CASZ1: variants seen among roughly 807,000 people sequenced by gnomAD.
CASZ1 encodes zinc finger protein castor homolog 1.
CASZ1 carries 28 observed loss-of-function variants against 135.2 expected under a neutral mutation model. The ratio of observed to expected loss-of-function variants is 0.21; its 90% CI spans 0.15 to 0.28. The LOEUF (loss-of-function observed/expected upper bound fraction) is 0.28. Among genes scored for constraint, CASZ1 ranks in the 10% least tolerant of loss-of-function variants. CASZ1 has a pLI of 1.00. For missense variants in CASZ1, 2,161 were observed against 2,453.3 expected (o/e 0.88, Z 2.52); for synonymous variants, 1,068 against 1,073.4 (o/e 0.99, Z 0.10).
At chr1:10,730,796 A>G (rs1038433497) in intron 2 of CASZ1, among the ~76,000 whole-genome samples, 1 of 152,190 alleles carries the variant, frequency 6.6e-6, no homozygotes, top group African/African-American at 2.4e-5. Context: ...AATGATACTA[A>G]TGACTGTGAT....
intron 1 of CASZ1, among the ~76,000 whole-genome samples, chr1:10,765,510 GTAC>G (rs1640458784): frequency 6.6e-6 from 1 of 152,190 alleles, no homozygotes; most frequent in Admixed American, 6.5e-5. Context: ...CCCACGACGG[GTAC>G]GCCCAACGCA....
At chr1:10,795,297 GA>G (rs1298569516) in intron 1 of CASZ1, among the ~76,000 whole-genome samples, 2 of 152,154 alleles carry the variant, frequency 1.3e-5, no homozygotes, top group African/African-American at 2.4e-5. Context: ...AAGTGACCGG[GA>G]AACCGGCTCT....
At chr1:10,761,258 T>C (rs1640368521) in intron 1 of CASZ1, among the ~76,000 whole-genome samples, 1 of 152,220 alleles carries the variant, frequency 6.6e-6, no homozygotes, top group Admixed American at 6.5e-5. Flanking sequence ...ATCAAACCCA[T>C]GCAACCAAAC....
At chr1:10,743,674 G>GT (rs1639976204) in intron 2 of CASZ1, among the ~76,000 whole-genome samples, 1 of 138,154 alleles carries the variant, frequency 7.2e-6, no homozygotes, top group African/African-American at 3.2e-5. Context: ...TGGGGGGGCG[G>GT]GGTGCGGGGG....
chr1:10,706,776 C>G lies in CASZ1; in HGVS notation c.-76-1232G>C, dbSNP rs974209055. ...TACAGGGCTCTGGGAGGGCTGAGAG[C>G]CCGGTGGGTTGGTGGTTAGGAAGTG... On this transcript the variant is annotated intron_variant, in intron 2 of 20. Transcript: ENST00000377022. This position sits in a 1 kb window ranked among gnomAD's most constrained non-coding sequence, Gnocchi z 4.3. Among the ~76,000 whole-genome samples the G allele has an allele frequency of 2.6e-5, 4 of 152,086 alleles. No individual in the cohort carries two copies. The highest frequency in any genetic ancestry group is 9.7e-5 in the African/African-American group (4 of 41,400).
Position 10,653,885 on chromosome 1 carries a change from G to A in CASZ1, c.2172C>T (p.Asp724=). The A allele has an allele frequency of 6.2e-7, 1 of 1,613,348 alleles. No homozygotes were observed. The highest frequency in any genetic ancestry group is 8.5e-7 in the Non-Finnish European group (1 of 1,179,600). ...DTEHEESSND[D]LVDFSALSSK... is the part of the protein sequence containing the mutation. ...TGCTCAGGGCGGAGAAGTCAACAAG[G>A]TCGTCGTTGCTGGACTCCTCGTGCT... is the stretch of plus-strand genomic sequence containing the variant. Residue 724 remains aspartate (D), a synonymous_variant, in exon 11 of 21, where the codon GAC becomes GAT. Coordinates refer to ENST00000377022, the MANE Select transcript of CASZ1 (RefSeq NM_001079843.3).
At chr1:10,650,447 C>T (rs1000552888) in intron 13 of CASZ1, 5 of 389,074 alleles carry the variant, frequency 1.3e-5, no homozygotes, top group Non-Finnish European at 2.3e-5. Context: ...TTTTGGAGCC[C>T]TCCATCTGAA....
At chr1:10,734,300 A>G (rs887583277) in intron 2 of CASZ1, among the ~76,000 whole-genome samples, 1 of 150,138 alleles carries the variant, frequency 6.7e-6, no homozygotes, top group African/African-American at 2.4e-5. Context: ...AAAAAATCCC[A>G]TGGCCGTGCC....
chr1:10,787,655 A>T (rs555820110), intron 1 of CASZ1, among the ~76,000 whole-genome samples: 1 of 151,918 alleles, frequency 6.6e-6, no homozygotes, highest in Non-Finnish European at 1.5e-5. Context: ...GATCACCCGC[A>T]CACACACACA....
chr1:10,696,722 A>G (rs1277597315), intron 3 of CASZ1, among the ~76,000 whole-genome samples: 1 of 152,234 alleles, frequency 6.6e-6, no homozygotes, highest in East Asian at 1.9e-4. Context: ...GTGCATTTGA[A>G]GATGTCTGCA....
intron 2 of CASZ1, among the ~76,000 whole-genome samples, chr1:10,746,825 A>C (rs1340528444): frequency 3.3e-5 from 5 of 152,204 alleles, no homozygotes; most frequent in Non-Finnish European, 5.9e-5. Context: ...CCTTTGACCC[A>C]CTGGAAAGTC....
At chr1:10,688,658 A>G (rs1366424140) in intron 4 of CASZ1, among the ~76,000 whole-genome samples, 1 of 151,944 alleles carries the variant, frequency 6.6e-6, no homozygotes. Context: ...GCTGCAGGAG[A>G]GCCTCCCATG....
rs555469979 is a variant in CASZ1, at chr1:10,639,716, G to A, written c.4506C>T (p.His1502=). ...FKRFKASLSC[H]FADCPFSGTS... ...TGCCCGAGAAGGGGCAGTCGGCGAAGTGGCAGCTGAGTGAGGCCTTGAAGC... is the reference window on the plus strand; with the variant it reads ...TGCCCGAGAAGGGGCAGTCGGCGAAATGGCAGCTGAGTGAGGCCTTGAAGC... Residue 1502 remains histidine, a synonymous_variant, in exon 21 of 21, where the codon CAC becomes CAT. Coordinates refer to ENST00000377022, the MANE Select transcript of CASZ1 (RefSeq NM_001079843.3). The surrounding 1 kb of genome is among the most constrained non-coding windows in gnomAD (Gnocchi z 4.0). The A allele has an allele frequency of 3.9e-5, 62 of 1,593,522 alleles. 1 individual carries two copies. In the African/African-American group the frequency reaches 6.1e-4, roughly 16 times the overall value.
intron 3 of CASZ1, among the ~76,000 whole-genome samples, chr1:10,698,983 AGCTCCCCCACC>A (rs1371723809): frequency 6.6e-6 from 1 of 152,114 alleles, no homozygotes; most frequent in Admixed American, 6.5e-5. Flanking sequence ...CCAGCCACTC[AGCTCCCCCACC>A]GCTCCCCCAC....
rs888302330 is a variant in CASZ1 at position 10,794,908 on chromosome 1, C to A, written c.-234+1656G>T. On this transcript the variant is annotated intron_variant, in intron 1 of 20. Transcript: ENST00000377022. The surrounding 1 kb of genome is among the most constrained non-coding windows in gnomAD (Gnocchi z 5.6). ...CGCCCGCCCGCCCGCGCCCGGCCAG[C>A]CCCCGCCAGCGGCCCCAGCGCGCCT... Among the ~76,000 whole-genome samples the A allele has an allele frequency of 9.1e-4, 138 of 151,118 alleles. No individual in the cohort carries two copies. Among genetic ancestry groups the A allele is most frequent in the Middle Eastern group, 3.4e-3 (1 of 292 alleles).
chr1:10,734,286 A>G (rs1381614994), intron 2 of CASZ1, among the ~76,000 whole-genome samples: 1 of 152,050 alleles, frequency 6.6e-6, no homozygotes, highest in Admixed American at 6.6e-5. Context: ...AAGAAAAAAA[A>G]AAAAAAAAAT....
intron 4 of CASZ1, among the ~76,000 whole-genome samples, chr1:10,668,105 G>A (rs1643291968): frequency 6.6e-6 from 1 of 152,160 alleles, no homozygotes; most frequent in African/African-American, 2.4e-5. Context: ...GGGACACAGG[G>A]GCAGGAGGCA....
In CASZ1 at chr1:10,660,228, T is replaced by A. The variant is rs568064301; in HGVS notation, c.814A>T (p.Thr272Ser). 4 of 1,612,966 alleles carry A rather than the reference T, an allele frequency of 2.5e-6. No homozygotes were observed. In the Admixed American group the frequency reaches 6.7e-5, roughly 27 times the overall value. ...EERVGKEVVG[T>S]LPGLRLPSST... Reference sequence around the variant, plus strand: ...CTGGGCAGCCGCAGGCCGGGCAGGGTGCCCACCACCTCCTTGCCCACCCGC... The same window carrying A: ...CTGGGCAGCCGCAGGCCGGGCAGGGAGCCCACCACCTCCTTGCCCACCCGC... Residue 272 changes from threonine to serine, a missense_variant, in exon 6 of 21, where the codon ACC becomes TCC. This residue lies in a region of CASZ1 where 590 missense variants were observed against 609.8 expected (regional missense o/e 0.97). Coordinates refer to ENST00000377022, the MANE Select transcript of CASZ1 (RefSeq NM_001079843.3).
At chr1:10,695,777 G>A (rs1165701336) in intron 3 of CASZ1, among the ~76,000 whole-genome samples, 1 of 152,162 alleles carries the variant, frequency 6.6e-6, no homozygotes. Flanking sequence ...CCCTGCTGCA[G>A]CCATATATTT....
Sources: gnomAD v4.1 joint callset for allele counts (sites outside exome capture counted in the v4.1 genomes callset) on GRCh38, gnomAD v4.1.1 for gene constraint, gnomAD v4.1.1 regional missense constraint, Gnocchi (gnomAD v3.1) non-coding constraint, MANE v1.5 for transcripts, NCBI Gene and HGNC (gene_info 2026-07-23, HGNC 2026-07-21) for gene names.